The following SNX33 variants were observed in gnomAD, a reference collection of about 807,000 sequenced individuals.
SNX33 encodes the protein sorting nexin 33.
In SNX33, 19 loss-of-function variants were observed where a neutral mutation model predicts 38.8. The ratio of observed to expected loss-of-function variants is 0.49; its 90% CI spans 0.34 to 0.72. The LOEUF is 0.72. Ranked by LOEUF, SNX33 falls within the 30% of genes least tolerant of loss-of-function variation. The probability of loss-of-function intolerance (pLI) is 0.01; values close to 1 mark genes in which losing one functional copy is unlikely to be tolerated. For missense variants in SNX33, 641 were observed against 776.4 expected, an observed-to-expected ratio of 0.83 and a Z score of 2.07; for synonymous variants, 246 against 289.7, an observed-to-expected ratio of 0.85 and a Z score of 1.53.
rs1893665853 is a variant in SNX33 at position 75,657,256 on chromosome 15, A to G, written c.*41A>G. 6.2e-7 allele frequency: 1 copy of G among 1,608,678 alleles called. No individual in the cohort carries two copies. The highest frequency in any genetic ancestry group is 1.3e-5 in the African/African-American group (1 of 74,824). Reference sequence around the variant, plus strand: ...CCCCCTCCTTCCCCTGGGCCTGGTCACTGCAGTGTACCCCACTTTCCCGAC... The same window carrying G: ...CCCCCTCCTTCCCCTGGGCCTGGTCGCTGCAGTGTACCCCACTTTCCCGAC... On this transcript the variant is annotated 3_prime_UTR_variant, in exon 2 of 2. Transcript: ENST00000308527. This position sits in a 1 kb window ranked among gnomAD's most constrained non-coding sequence, Gnocchi z 5.5.
In SNX33 at chr15:75,648,551, A is replaced by AG; in HGVS notation, c.-550dup. 1.0e-6 allele frequency: 1 copy of AG among 985,364 alleles called. No homozygotes were observed. The highest frequency in any genetic ancestry group is 1.2e-6 in the Non-Finnish European group (1 of 829,892). 61.0% of individuals were successfully genotyped at this position (985,364 alleles called of 1,614,324 possible). On this transcript the variant is annotated 5_prime_UTR_variant, in exon 1 of 2. Transcript: ENST00000308527. The surrounding 1 kb of genome is among the most constrained non-coding windows in gnomAD (Gnocchi z 4.4). ...CGGATTTTTGAAAACCCAGTGGCCC[A>AG]GGAGCAAGAGGAGGAAGGAGGAAGG...
chr15:75,648,009 G>T lies in SNX33; in HGVS notation c.-1094G>T, dbSNP rs938195181. The T allele has an allele frequency of 2.0e-6, 2 of 985,308 alleles. No homozygotes were observed. Among genetic ancestry groups the T allele is most frequent in the Non-Finnish European group, 2.4e-6 (2 of 829,936 alleles). The allele number at this position is 985,308 out of a possible 1,614,324, so 61.0% of individuals were successfully genotyped here. ...GGGCGCAGCCCGCCCCCCACTGGCC[G>T]GGCCCCGCAGGGCGGAGAGGAGGAC... is the stretch of plus-strand genomic sequence containing the variant. On this transcript the variant is annotated 5_prime_UTR_variant, in exon 1 of 2. Transcript: ENST00000308527. This position sits in a 1 kb window ranked among gnomAD's most constrained non-coding sequence, Gnocchi z 4.4.
intron 1 of SNX33, among the ~76,000 whole-genome samples, chr15:75,651,827 A>G (rs1893584337): frequency 6.6e-6 from 1 of 152,170 alleles, no homozygotes; most frequent in Admixed American, 6.5e-5. Context: ...GGGTGGGGCC[A>G]GGGGGCAGAC....
In SNX33 at chr15:75,650,394, AC is replaced by A. The variant is rs747082791; in HGVS notation, c.1299del (p.Cys435AlafsTer62). ...GCCATCAGTCATTCCTTCCAGATGG[AC>A]CCCCCCTTTTGCTCTGAGGCCCTCA... The part of the protein sequence containing the change: ...FQAISHSFQM[D>X]PPFCSEALNS... On this transcript the variant is annotated frameshift_variant, in exon 1 of 2. Coordinates refer to ENST00000308527, the MANE Select transcript of SNX33 (RefSeq NM_153271.2). LOFTEE classifies it high-confidence loss of function. The surrounding 1 kb of genome is among the most constrained non-coding windows in gnomAD (Gnocchi z 6.1). The A allele has an allele frequency of 1.9e-6, 3 of 1,608,798 alleles. No individual in the cohort carries two copies. Among genetic ancestry groups the A allele is most frequent in the Non-Finnish European group, 1.7e-6 (2 of 1,177,966 alleles).
rs1893686444 is a variant in SNX33 at position 75,658,685 on chromosome 15, G to A, written c.*1470G>A. 1 of 152,632 alleles carries A rather than the reference G, an allele frequency of 6.6e-6. No homozygotes were observed. The highest frequency in any genetic ancestry group is 2.4e-5 in the African/African-American group (1 of 41,460). The allele number at this position is 152,632 out of a possible 1,614,324, so 9.5% of individuals were successfully genotyped here. On this transcript the variant is annotated 3_prime_UTR_variant, in exon 2 of 2. Coordinates refer to ENST00000308527, the MANE Select transcript of SNX33 (RefSeq NM_153271.2). This position sits in a 1 kb window ranked among gnomAD's most constrained non-coding sequence, Gnocchi z 4.1. ...CCCAGAAAGGCGGAGGGCAGGAGAA[G>A]GATAGAGCCCTAATTGCTCCTGAGA...
In SNX33 at chr15:75,648,608, C is replaced by A; in HGVS notation, c.-495C>A. The A allele has an allele frequency of 1.1e-6, 1 of 924,362 alleles. No homozygotes were observed. Among genetic ancestry groups the A allele is most frequent in the Non-Finnish European group, 1.3e-6 (1 of 774,336 alleles). The allele number at this position is 924,362 out of a possible 1,614,324, so 57.3% of individuals were successfully genotyped here. ...TCTGCAGAGGAATGTGAGAGCCTCC[C>A]AAAGCGAGAGCCGCCAAAAGAATCT... On this transcript the variant is annotated 5_prime_UTR_variant, in exon 1 of 2. Coordinates refer to ENST00000308527, the MANE Select transcript of SNX33 (RefSeq NM_153271.2). The surrounding 1 kb of genome is among the most constrained non-coding windows in gnomAD (Gnocchi z 4.4).
In SNX33 at chr15:75,657,780, AGT is replaced by A. The variant is rs767495820; in HGVS notation, c.*568_*569del. ...TCCATAGAGTAGGCAACATTTGGGC[AGT>A]GTTTTGAAGAATGACAAGGGCCTGC... On this transcript the variant is annotated 3_prime_UTR_variant, in exon 2 of 2. Transcript: ENST00000308527. The surrounding 1 kb of genome is among the most constrained non-coding windows in gnomAD (Gnocchi z 5.5). 6.2e-6 allele frequency: 1 copy of A among 160,504 alleles called. No individual in the cohort carries two copies. The highest frequency in any genetic ancestry group is 1.4e-5 in the Non-Finnish European group (1 of 72,136). The allele number at this position is 160,504 out of a possible 1,614,324, so 9.9% of individuals were successfully genotyped here. A position where few individuals can be genotyped will look rare whatever the true frequency, so the allele number is the denominator to read the frequency against.
chr15:75,649,113 A>G lies in SNX33; in HGVS notation c.11A>G (p.Lys4Arg), dbSNP rs759689830. The G allele has an allele frequency of 5.0e-6, 8 of 1,589,480 alleles. No homozygotes were observed. The East Asian group carries it at 1.8e-4, about 36-fold the overall frequency. Reference sequence around the variant, plus strand: ...CCACCCAGCCCAGCCATGGCACTGAAAGGCCGAGCCCTCTATGACTTTCAC... The same window carrying G: ...CCACCCAGCCCAGCCATGGCACTGAGAGGCCGAGCCCTCTATGACTTTCAC... MAL[K>R]GRALYDFHSE... The change falls in exon 1 of 2, where the codon AAA becomes AGA. Residue 4 changes from lysine (K) to arginine (R), a missense_variant. Lys to Arg is a conservative substitution (Grantham distance 26). Transcript: ENST00000308527. This position sits in a 1 kb window ranked among gnomAD's most constrained non-coding sequence, Gnocchi z 6.6.
chr15:75,651,386 G>A lies in SNX33; in HGVS notation c.1471+813G>A, dbSNP rs144529972. 3.0e-3 allele frequency among the ~76,000 whole-genome samples: 458 copies of A among 152,290 alleles called. 1 individual carries two copies. Among genetic ancestry groups the A allele is most frequent in the African/African-American group, 0.011 (443 of 41,556 alleles). On this transcript the variant is annotated intron_variant, in intron 1 of 1. Transcript: ENST00000308527. ...CCTCCTGCCACCTCCCCAAGGACACGTCCATGTTGGCCACTTCCCAAGCCT... is the reference window on the plus strand; with the variant it reads ...CCTCCTGCCACCTCCCCAAGGACACATCCATGTTGGCCACTTCCCAAGCCT...
Position 75,648,470 on chromosome 15 carries a change from CCCTTGGACTCGATT to C in SNX33, c.-631_-618del. 1.0e-6 allele frequency: 1 copy of C among 985,478 alleles called. No individual in the cohort carries two copies. The highest frequency in any genetic ancestry group is 1.2e-6 in the Non-Finnish European group (1 of 829,958). The allele number at this position is 985,478 out of a possible 1,614,324, so 61.0% of individuals were successfully genotyped here. A position where few individuals can be genotyped will look rare whatever the true frequency, so the allele number is the denominator to read the frequency against. On this transcript the variant is annotated 5_prime_UTR_variant, in exon 1 of 2. Coordinates refer to ENST00000308527, the MANE Select transcript of SNX33 (RefSeq NM_153271.2). The surrounding 1 kb of genome is among the most constrained non-coding windows in gnomAD (Gnocchi z 4.4). ...CTCGTTGTGAAGCCGGACACATCCACCCTTGGACTCGATTCAGGCGGCTGCTGCTTTTCTCCTTG... is the reference window on the plus strand; with the variant it reads ...CTCGTTGTGAAGCCGGACACATCCACCAGGCGGCTGCTGCTTTTCTCCTTG...
At position 75,657,103 on chromosome 15, in the gene SNX33, G is replaced by A. The variant is rs371398105; in HGVS notation, c.1613G>A (p.Arg538His). Residue 538 changes from arginine to histidine, a missense_variant, in exon 2 of 2, where the codon CGT becomes CAT. Transcript: ENST00000308527. This position sits in a 1 kb window ranked among gnomAD's most constrained non-coding sequence, Gnocchi z 5.5. ...GAGATGAACCACTTCCACCAGCGCC[G>A]TGAGCTCGACTTCAAGCACATGATG... ...QAEMNHFHQR[R>H]ELDFKHMMQN... 9.9e-6 allele frequency: 16 copies of A among 1,614,076 alleles called. No individual in the cohort carries two copies. The highest frequency in any genetic ancestry group is 1.3e-5 in the Non-Finnish European group (15 of 1,180,036).
In SNX33 at chr15:75,657,111, G is replaced by C; in HGVS notation, c.1621G>C (p.Asp541His). The C allele has an allele frequency of 6.2e-7, 1 of 1,614,176 alleles. No homozygotes were observed. The highest frequency in any genetic ancestry group is 8.5e-7 in the Non-Finnish European group (1 of 1,180,022). The change falls in exon 2 of 2, where the codon GAC becomes CAC. Residue 541 changes from aspartate to histidine, a missense_variant. Around this residue, in one of 2 missense-constraint regions of SNX33, gnomAD observed 398 missense variants for 542.5 expected, o/e 0.73. Coordinates refer to ENST00000308527, the MANE Select transcript of SNX33 (RefSeq NM_153271.2). The surrounding 1 kb of genome is among the most constrained non-coding windows in gnomAD (Gnocchi z 5.5). ...MNHFHQRREL[D>H]FKHMMQNYLR... ...CCACTTCCACCAGCGCCGTGAGCTC[G>C]ACTTCAAGCACATGATGCAGAACTA... is the stretch of plus-strand genomic sequence containing the variant.
In SNX33 at chr15:75,650,684, C is replaced by T. The variant is rs188315341; in HGVS notation, c.1471+111C>T. 6 of 1,357,306 alleles carry T rather than the reference C, an allele frequency of 4.4e-6. No individual in the cohort carries two copies. The African/African-American group carries it at 5.9e-5, about 13-fold the overall frequency. The allele number at this position is 1,357,306 out of a possible 1,614,324, so 84.1% of individuals were successfully genotyped here. ...GAGCAACTTGTCTTTATTTCTCTGTCTCAATCATTCATTTAACAAATGTGT... is the reference window on the plus strand; with the variant it reads ...GAGCAACTTGTCTTTATTTCTCTGTTTCAATCATTCATTTAACAAATGTGT... On this transcript the variant is annotated intron_variant, in intron 1 of 1. Coordinates refer to ENST00000308527, the MANE Select transcript of SNX33 (RefSeq NM_153271.2). The surrounding 1 kb of genome is among the most constrained non-coding windows in gnomAD (Gnocchi z 6.1).
Position 75,649,838 on chromosome 15 carries a change from A to T in SNX33, c.736A>T (p.Ile246Phe). 6.6e-7 allele frequency: 1 copy of T among 1,523,626 alleles called. No individual in the cohort carries two copies. 94.4% of individuals were successfully genotyped at this position (1,523,626 alleles called of 1,614,324 possible). A position where few individuals can be genotyped will look rare whatever the true frequency, so the allele number is the denominator to read the frequency against. ...DPTKQTKFKG[I>F]KSYISYKLTP... ...CACAAAACAGACCAAATTCAAGGGCATCAAAAGCTACATCTCCTACAAGCT... is the reference window on the plus strand; with the variant it reads ...CACAAAACAGACCAAATTCAAGGGCTTCAAAAGCTACATCTCCTACAAGCT... The change falls in exon 1 of 2, where the codon ATC becomes TTC. Residue 246 changes from isoleucine (I) to phenylalanine (F), a missense_variant. Physicochemically the swap from Ile to Phe is conservative, Grantham distance 21. Coordinates refer to ENST00000308527, the MANE Select transcript of SNX33 (RefSeq NM_153271.2). This position sits in a 1 kb window ranked among gnomAD's most constrained non-coding sequence, Gnocchi z 6.6.
rs1378738075 is a variant in SNX33 at position 75,657,415 on chromosome 15, G to A, written c.*200G>A. On this transcript the variant is annotated 3_prime_UTR_variant, in exon 2 of 2. Transcript: ENST00000308527. The surrounding 1 kb of genome is among the most constrained non-coding windows in gnomAD (Gnocchi z 5.5). ...AAATTCCCCACTCCTTAGAAGTGGG[G>A]CACAGCAGGGGTGAGAATAGAGTCA... The A allele has an allele frequency of 7.1e-6, 6 of 844,210 alleles. No homozygotes were observed. Among genetic ancestry groups the A allele is most frequent in the Non-Finnish European group, 1.1e-5 (6 of 556,954 alleles). 52.3% of individuals were successfully genotyped at this position (844,210 alleles called of 1,614,324 possible).
intron 1 of SNX33, among the ~76,000 whole-genome samples, chr15:75,653,710 A>G (rs1290804327): frequency 6.6e-6 from 1 of 152,178 alleles, no homozygotes; most frequent in Admixed American, 6.5e-5. Context: ...CAGAGCTTCC[A>G]TGGAGGGGCC....
At position 75,650,034 on chromosome 15, in the gene SNX33, T is replaced by G. The variant is rs1456112598; in HGVS notation, c.932T>G (p.Ile311Ser). 6.2e-7 allele frequency: 1 copy of G among 1,607,186 alleles called. No homozygotes were observed. The highest frequency in any genetic ancestry group is 2.2e-5 in the East Asian group (1 of 44,776). ...DFIEKRKRRL[I>S]LWMDHMTSHP... ...ATCGAAAAGCGGAAGCGGAGACTCATCCTCTGGATGGACCACATGACCAGC... is the reference window on the plus strand; with the variant it reads ...ATCGAAAAGCGGAAGCGGAGACTCAGCCTCTGGATGGACCACATGACCAGC... Residue 311 changes from isoleucine to serine, a missense_variant, in exon 1 of 2, where the codon ATC becomes AGC. Ile to Ser is a moderately radical substitution (Grantham distance 142, BLOSUM62 -2). Coordinates refer to ENST00000308527, the MANE Select transcript of SNX33 (RefSeq NM_153271.2). The surrounding 1 kb of genome is among the most constrained non-coding windows in gnomAD (Gnocchi z 6.1).
chr15:75,649,613 G>T lies in SNX33; in HGVS notation c.511G>T (p.Ala171Ser), dbSNP rs776523272. The T allele has an allele frequency of 2.5e-6, 4 of 1,613,594 alleles. No individual in the cohort carries two copies. The South Asian group carries it at 4.4e-5, about 18-fold the overall frequency. The change falls in exon 1 of 2, where the codon GCA becomes TCA. Residue 171 changes from alanine to serine, a missense_variant. By Grantham distance (99) the Ala-to-Ser change is moderately conservative. This residue lies in a region of SNX33 where 243 missense variants were observed against 233.9 expected (regional missense o/e 1.04). Coordinates refer to ENST00000308527, the MANE Select transcript of SNX33 (RefSeq NM_153271.2). This position sits in a 1 kb window ranked among gnomAD's most constrained non-coding sequence, Gnocchi z 6.6. ...KPPLERQDSL[A>S]SAKRGSVVGR... is the part of the protein sequence containing the mutation. ...ACCACTGGAGCGGCAGGACAGCCTG[G>T]CATCTGCCAAGCGAGGCAGTGTGGT...
intron 1 of SNX33, among the ~76,000 whole-genome samples, chr15:75,654,097 T>TAAAAAA (rs77714603): frequency 1.2e-4 from 13 of 110,962 alleles, no homozygotes; most frequent in Non-Finnish European, 1.9e-4. Context: ...CATCTCAAAT[T>TAAAAAA]AAAAAAAAAA....
Sources: allele counts gnomAD v4.1 joint callset (sites outside exome capture counted in the v4.1 genomes callset), GRCh38; gene constraint gnomAD v4.1.1; regional missense constraint gnomAD v4.1.1; non-coding constraint Gnocchi (gnomAD v3.1); transcripts MANE v1.5; gene names NCBI Gene and HGNC (gene_info 2026-07-23, HGNC 2026-07-21).